The following SH2D5 variants were observed in gnomAD, a reference collection of about 807,000 sequenced individuals.
SH2D5 encodes the protein SH2 domain-containing protein 5.
Under a neutral mutation model 48.2 loss-of-function variants are expected in SH2D5, and 45 were observed. The ratio of observed to expected loss-of-function variants is 0.93; its 90% CI spans 0.73 to 1.20. The LOEUF (loss-of-function observed/expected upper bound fraction) is 1.20. Among genes scored for constraint, SH2D5 ranks in the 50% most tolerant of loss-of-function variants. The pLI is 0.00. For synonymous variants in SH2D5, 230 were observed against 249.8 expected (o/e 0.92, Z 0.75); for missense variants, 538 against 584.1 (o/e 0.92, Z 0.81).
chr1:20,721,826 G>T lies in SH2D5; in HGVS notation c.1238C>A (p.Ala413Asp), dbSNP rs1444694077. 1.2e-6 allele frequency: 2 copies of T among 1,604,560 alleles called. No homozygotes were observed. Among genetic ancestry groups the T allele is most frequent in the Non-Finnish European group, 1.7e-6 (2 of 1,175,590 alleles). Residue 413 changes from alanine (A) to aspartate (D), a missense_variant, in exon 10 of 10, where the codon GCC becomes GAC. Ala to Asp is a moderately radical substitution (Grantham distance 126, BLOSUM62 -2). Transcript: ENST00000444387. ...GCCCTGCAGCTCTGCCTCGGACTTGGCATGGCTGAGGGGCCGGAGAGTCCG... is the reference window on the plus strand; with the variant it reads ...GCCCTGCAGCTCTGCCTCGGACTTGTCATGGCTGAGGGGCCGGAGAGTCCG... ...PPRTLRPLSHAKSEAELQGLG is the reference protein window; with the variant it reads ...PPRTLRPLSHDKSEAELQGLG
intron 2 of SH2D5, 55 bp downstream of exon 2, chr1:20,727,903 C>T (rs1454065650): frequency 7.4e-7 from 1 of 1,353,920 alleles, no homozygotes; most frequent in South Asian, 1.2e-5. Flanking sequence ...TCACCAGCGC[C>T]TGCTACCTGA....
chr1:20,730,483 C>T (rs988208552), intron 1 of SH2D5, among the ~76,000 whole-genome samples: 13 of 152,292 alleles, frequency 8.5e-5, no homozygotes, highest in African/African-American at 2.4e-4. Flanking sequence ...GGTGCAGAGG[C>T]CAACCACTGG....
chr1:20,723,547 G>T, intron 8 of SH2D5, 79 bp downstream of exon 8: 1 of 1,125,424 alleles, frequency 8.9e-7, no homozygotes, highest in Non-Finnish European at 1.3e-6. Context: ...GGGAGTGTGT[G>T]CCTCAGGGGC....
intron 3 of SH2D5, 135 bp downstream of exon 3, chr1:20,727,388 C>A: frequency 1.1e-6 from 1 of 908,182 alleles, no homozygotes; most frequent in South Asian, 1.6e-5. Context: ...GGGTGTGTGT[C>A]CTGACCAGCC....
In SH2D5 at chr1:20,724,146, G is replaced by A. The variant is rs374912533; in HGVS notation, c.736C>T (p.Arg246Cys). Reference protein sequence around the residue: ...RKKAIRSKVIRSGAYRGCTYE... With the variant: ...RKKAIRSKVICSGAYRGCTYE... The stretch of plus-strand genomic sequence containing the variant: ...GTGCAGCCGCGGTAGGCCCCCGAGC[G>A]GATCACCTTGCTGCGAATGGCCTTC... The change falls in exon 7 of 10, where the codon CGC becomes TGC. Residue 246 changes from arginine (R) to cysteine (C), a missense_variant. By Grantham distance (180) the Arg-to-Cys change is radical. Transcript: ENST00000444387. The A allele has an allele frequency of 3.0e-4, 476 of 1,612,912 alleles. No homozygotes were observed. The highest frequency in any genetic ancestry group is 3.7e-4 in the Non-Finnish European group (440 of 1,180,000).
intron 5 of SH2D5, 23 bp downstream of exon 5, chr1:20,725,897 C>G (rs201941205): frequency 6.2e-7 from 1 of 1,610,980 alleles, no homozygotes; most frequent in South Asian, 1.1e-5. Flanking sequence ...CCGTGGCGGT[C>G]CCCTGCCTCA....
At position 20,729,873 on chromosome 1, in the gene SH2D5, T is replaced by C. The variant is rs1431026268; in HGVS notation, c.-42-1787A>G. On this transcript the variant is annotated intron_variant, in intron 1 of 9. Transcript: ENST00000444387. This position sits in a 1 kb window ranked among gnomAD's most constrained non-coding sequence, Gnocchi z 4.2. ...AAATGCTGCACCTGCACCATCCCCT[T>C]GAGAATTCCTGGCGCTCCCTCCTAT... Among the ~76,000 whole-genome samples the C allele has an allele frequency of 2.0e-5, 3 of 152,228 alleles. No homozygotes were observed. The highest frequency in any genetic ancestry group is 4.4e-5 in the Non-Finnish European group (3 of 68,032).
Position 20,729,963 on chromosome 1 carries a change from C to T in SH2D5, c.-42-1877G>A, listed in dbSNP as rs1200198367. 6.6e-6 allele frequency among the ~76,000 whole-genome samples: 1 copy of T among 152,200 alleles called. No individual in the cohort carries two copies. The highest frequency in any genetic ancestry group is 1.5e-5 in the Non-Finnish European group (1 of 68,038). On this transcript the variant is annotated intron_variant, in intron 1 of 9. Transcript: ENST00000444387. The surrounding 1 kb of genome is among the most constrained non-coding windows in gnomAD (Gnocchi z 4.2). ...ATCATTTTCATGTCATATCCTTTAC[C>T]TACTGTATCTTTTATGTTTAAATAA...
In SH2D5 at chr1:20,721,118, G is replaced by T; in HGVS notation, c.*674C>A. ...ATGGAGATTCTTGGCCCTGTCTGCT[G>T]GTGCGCATCCCTTTCTGCACACAGG... On this transcript the variant is annotated 3_prime_UTR_variant, in exon 10 of 10. Coordinates refer to ENST00000444387, the MANE Select transcript of SH2D5 (RefSeq NM_001103161.2). The T allele has an allele frequency of 6.5e-6, 1 of 153,802 alleles. No homozygotes were observed. Among genetic ancestry groups the T allele is most frequent in the Middle Eastern group, 1.1e-3 (1 of 878 alleles). 9.5% of individuals were successfully genotyped at this position (153,802 alleles called of 1,614,324 possible). A position where few individuals can be genotyped will look rare whatever the true frequency, so the allele number is the denominator to read the frequency against.
Position 20,721,783 on chromosome 1 carries a change from C to T in SH2D5, c.*9G>A. 1 of 1,529,808 alleles carries T rather than the reference C, an allele frequency of 6.5e-7. No homozygotes were observed. Among genetic ancestry groups the T allele is most frequent in the East Asian group, 2.4e-5 (1 of 41,930 alleles). 94.8% of individuals were successfully genotyped at this position (1,529,808 alleles called of 1,614,324 possible). On this transcript the variant is annotated 3_prime_UTR_variant, in exon 10 of 10. Transcript: ENST00000444387. ...TGAGGCGGGGCCTGTGGGACCGGGG[C>T]CCTACCTCTTAGCCCAGGCCCTGCA...
chr1:20,724,696 C>A, intron 5 of SH2D5, 61 bp from the exon 6 acceptor site: 1 of 1,459,098 alleles, frequency 6.9e-7, no homozygotes. Flanking sequence ...CAGTGAACTC[C>A]CTGGGCCTCA....
At position 20,725,976 on chromosome 1, in the gene SH2D5, G is replaced by C. The variant is rs373170097; in HGVS notation, c.334C>G (p.Arg112Gly). 6 of 1,613,052 alleles carry C rather than the reference G, an allele frequency of 3.7e-6. No individual in the cohort carries two copies. The highest frequency in any genetic ancestry group is 1.7e-6 in the Non-Finnish European group (2 of 1,179,960). ...CAGAAGAGCTTGCTGGCTGGGCTCC[G>C]TGGGTTTCGAGCCATGAAGGCAAAC... is the stretch of plus-strand genomic sequence containing the variant. ...CQFAFMARNP[R>G]SPASKLFCHL... Residue 112 changes from arginine (R) to glycine (G), a missense_variant, in exon 5 of 10, where the codon CGG (arginine) becomes GGG (glycine). Coordinates refer to ENST00000444387, the MANE Select transcript of SH2D5 (RefSeq NM_001103161.2).
rs200472543 is a variant in SH2D5, at chr1:20,722,820, C to T, written c.1004G>A (p.Arg335His). The T allele has an allele frequency of 4.4e-5, 71 of 1,602,830 alleles. No individual in the cohort carries two copies. The highest frequency in any genetic ancestry group is 5.1e-5 in the Admixed American group (3 of 58,772). Residue 335 changes from arginine (R) to histidine (H), a missense_variant, in exon 9 of 10, where the codon CGC becomes CAC. Transcript: ENST00000444387. ...GTGGGGCACCACGCCGCACTGCGTG[C>T]GCACGGACAGACACCACTGGCCGCT... is the stretch of plus-strand genomic sequence containing the variant. ...GASGQWCLSV[R>H]TQCGVVPHQV...
intron 1 of SH2D5, among the ~76,000 whole-genome samples, chr1:20,730,319 G>T (rs1249069656): frequency 7.2e-6 from 1 of 139,516 alleles, no homozygotes; most frequent in Admixed American, 7.0e-5. Flanking sequence ...GGGGGGGGGG[G>T]ACGCAGCCCC....
At position 20,724,217 on chromosome 1, in the gene SH2D5, T is replaced by TGGCGGGCAC; in HGVS notation, c.656_664dup (p.Arg219_Arg221dup). 6.2e-7 allele frequency: 1 copy of TGGCGGGCAC among 1,612,852 alleles called. No individual in the cohort carries two copies. Among genetic ancestry groups the TGGCGGGCAC allele is most frequent in the Non-Finnish European group, 8.5e-7 (1 of 1,179,974 alleles). On this transcript the variant is annotated inframe_insertion, in exon 7 of 10. Transcript: ENST00000444387. ...GCAGTAGGGATTCCCCAGGCGGGCA[T>TGGCGGGCAC]GGCGGGCACGGCCTTCCGACTCTGG...
intron 4 of SH2D5, 66 bp downstream of exon 4, chr1:20,726,935 G>T: frequency 7.3e-7 from 1 of 1,372,222 alleles, no homozygotes; most frequent in Non-Finnish European, 1.0e-6. Context: ...GCAGAGGAGA[G>T]CGCATCCTGA....
intron 1 of SH2D5, among the ~76,000 whole-genome samples, chr1:20,731,827 G>A (rs1276043927): frequency 6.6e-6 from 1 of 152,096 alleles, no homozygotes; most frequent in East Asian, 1.9e-4. Context: ...CCCCGGCAGA[G>A]TCCCCGGACC....
Position 20,729,120 on chromosome 1 carries a change from G to A in SH2D5, c.-42-1034C>T, listed in dbSNP as rs984901103. On this transcript the variant is annotated intron_variant, in intron 1 of 9. Coordinates refer to ENST00000444387, the MANE Select transcript of SH2D5 (RefSeq NM_001103161.2). The surrounding 1 kb of genome is among the most constrained non-coding windows in gnomAD (Gnocchi z 4.2). ...AGGAGTGGACCCCCCTTAGGTGACT[G>A]TCCTCAAGGGCAGGGAACACACTAT... Among the ~76,000 whole-genome samples, 2 of 152,190 alleles carry A rather than the reference G, an allele frequency of 1.3e-5. No homozygotes were observed. The highest frequency in any genetic ancestry group is 4.8e-5 in the African/African-American group (2 of 41,430).
Position 20,721,807 on chromosome 1 carries a change from C to A in SH2D5, c.1257G>T (p.Leu419=), listed in dbSNP as rs1367383927. The change falls in exon 10 of 10, where the codon CTG becomes CTT. Residue 419 remains leucine, a synonymous_variant. Coordinates refer to ENST00000444387, the MANE Select transcript of SH2D5 (RefSeq NM_001103161.2). ...GCCCTACCTCTTAGCCCAGGCCCTG[C>A]AGCTCTGCCTCGGACTTGGCATGGC... ...PLSHAKSEAE[L]QGLG is the part of the protein sequence containing the mutation. 1 of 1,585,204 alleles carries A rather than the reference C, an allele frequency of 6.3e-7. No homozygotes were observed. Among genetic ancestry groups the A allele is most frequent in the Non-Finnish European group, 8.6e-7 (1 of 1,164,620 alleles).
Sources: gnomAD v4.1 joint callset for allele counts (sites outside exome capture counted in the v4.1 genomes callset) on GRCh38, gnomAD v4.1.1 for gene constraint, Gnocchi (gnomAD v3.1) non-coding constraint, MANE v1.5 for transcripts, NCBI Gene and HGNC (gene_info 2026-07-23, HGNC 2026-07-21) for gene names.